The following GXYLT2 variants were observed in gnomAD, a reference collection of about 807,000 sequenced individuals.
GXYLT2 encodes glycosyltransferase 8 domain containing 4.
Under a neutral mutation model 45.8 loss-of-function variants are expected in GXYLT2, and 53 were observed. The observed-to-expected ratio is 1.16, with a 90% confidence interval of 0.93 to 1.46. The LOEUF is 1.46. Ranked by LOEUF, GXYLT2 falls within the 40% of genes most tolerant of loss-of-function variation. The pLI, the probability that GXYLT2 is intolerant of heterozygous loss-of-function variation, is 0.00. For synonymous variants in GXYLT2, 219 were observed against 214.2 expected (o/e 1.02, Z -0.19); for missense variants, 551 against 544.4 (o/e 1.01, Z -0.12).
intron 1 of GXYLT2, among the ~76,000 whole-genome samples, chr3:72,905,181 G>A (rs562149458): frequency 8.6e-5 from 13 of 151,486 alleles, no homozygotes; most frequent in South Asian, 2.1e-4. Flanking sequence ...GCAGTGGCAC[G>A]ATCTCAGCTC....
intron 1 of GXYLT2, among the ~76,000 whole-genome samples, chr3:72,902,482 C>G (rs1709426992): frequency 6.6e-6 from 1 of 152,172 alleles, no homozygotes; most frequent in Non-Finnish European, 1.5e-5. Flanking sequence ...CTGAAGGTTA[C>G]AGTGTCTTTT....
intron 3 of GXYLT2, among the ~76,000 whole-genome samples, chr3:72,949,246 T>G (rs143612778): frequency 2.0e-3 from 312 of 152,254 alleles, no homozygotes; most frequent in African/African-American, 6.5e-3. Context: ...CTGGAGCAAC[T>G]GGCAGTCCTC....
chr3:72,912,013 A>ATT (rs35108267), intron 2 of GXYLT2, among the ~76,000 whole-genome samples: 130 of 114,856 alleles, frequency 1.1e-3, no homozygotes, highest in African/African-American at 1.9e-3. Flanking sequence ...ATATATATAT[A>ATT]TTTTTTTTTT....
At chr3:72,971,583 T>A (rs563073735) in intron 6 of GXYLT2, among the ~76,000 whole-genome samples, 1 of 152,300 alleles carries the variant, frequency 6.6e-6, no homozygotes, top group South Asian at 2.1e-4. Context: ...AAACAAGTGT[T>A]ATGAAAATTC....
intron 3 of GXYLT2, among the ~76,000 whole-genome samples, chr3:72,947,484 A>C (rs910400038): frequency 5.9e-5 from 9 of 152,136 alleles, no homozygotes; most frequent in African/African-American, 2.2e-4. Flanking sequence ...TTCATAGACT[A>C]TGGTACAGGT....
In GXYLT2 at chr3:72,940,238, C is replaced by T. The variant is rs751794116; in HGVS notation, c.601-14860C>T. Among the ~76,000 whole-genome samples the T allele has an allele frequency of 1.2e-4, 19 of 152,252 alleles. No homozygotes were observed. The South Asian group carries it at 1.9e-3, about 15-fold the overall frequency. ...ACATTTACACATACAACCATTTATT[C>T]GGTAATATTTATTGAGCCTCAGTTA... On this transcript the variant is annotated intron_variant, in intron 3 of 6. Coordinates refer to ENST00000389617, the MANE Select transcript of GXYLT2 (RefSeq NM_001080393.2).
intron 2 of GXYLT2, among the ~76,000 whole-genome samples, chr3:72,917,129 CA>C (rs1285684498): frequency 6.6e-6 from 1 of 151,942 alleles, no homozygotes; most frequent in Non-Finnish European, 1.5e-5. Flanking sequence ...TTTTTTGAGA[CA>C]GGGTCTCACA....
At chr3:72,959,400 C>T (rs1255918776) in intron 5 of GXYLT2, among the ~76,000 whole-genome samples, 1 of 150,644 alleles carries the variant, frequency 6.6e-6, no homozygotes, top group Non-Finnish European at 1.5e-5. Context: ...TTACAGGCAT[C>T]AGCCACTGTA....
chr3:72,915,472 C>T (rs1360575096), intron 2 of GXYLT2, among the ~76,000 whole-genome samples: 1 of 146,384 alleles, frequency 6.8e-6, no homozygotes, highest in Non-Finnish European at 1.5e-5. Context: ...CTCTGCAGAA[C>T]AAAACGAGGG....
intron 2 of GXYLT2, among the ~76,000 whole-genome samples, chr3:72,917,475 A>G (rs1709763260): frequency 6.6e-6 from 1 of 152,160 alleles, no homozygotes; most frequent in South Asian, 2.1e-4. Context: ...CATATATCAA[A>G]TGTCAAATAC....
At chr3:72,912,146 G>A (rs1192317518) in intron 2 of GXYLT2, among the ~76,000 whole-genome samples, 3 of 151,484 alleles carry the variant, frequency 2.0e-5, no homozygotes, top group African/African-American at 7.3e-5. Context: ...AAGTAGCTGG[G>A]ACTACAAACT....
Position 72,888,153 on chromosome 3 carries a change from C to T in GXYLT2, c.-81C>T, listed in dbSNP as rs1448544899. 3.2e-6 allele frequency: 3 copies of T among 935,752 alleles called. No homozygotes were observed. The highest frequency in any genetic ancestry group is 1.8e-5 in the African/African-American group (1 of 55,570). The allele number at this position is 935,752 out of a possible 1,614,324, so 58.0% of individuals were successfully genotyped here. ...GGGCGGAGGAGGCGACCGCCGCGCG[C>T]TGCTGCACTCATCCTGCCGCCGCCG... On this transcript the variant is annotated 5_prime_UTR_variant, in exon 1 of 7. Coordinates refer to ENST00000389617, the MANE Select transcript of GXYLT2 (RefSeq NM_001080393.2).
chr3:72,896,775 G>C (rs1709299398), intron 1 of GXYLT2, among the ~76,000 whole-genome samples: 1 of 152,020 alleles, frequency 6.6e-6, no homozygotes, highest in African/African-American at 2.4e-5. Flanking sequence ...GCTTGAACCC[G>C]GGAGGCAGAG....
chr3:72,947,838 G>A (rs1248236356), intron 3 of GXYLT2, among the ~76,000 whole-genome samples: 1 of 152,094 alleles, frequency 6.6e-6, no homozygotes, highest in East Asian at 1.9e-4. Flanking sequence ...AAAGGCCTTG[G>A]AGGGGTTTGA....
chr3:72,920,930 C>A (rs143963258), intron 2 of GXYLT2, among the ~76,000 whole-genome samples: 1,562 of 151,846 alleles, frequency 0.01, 26 homozygotes, highest in African/African-American at 0.035. Flanking sequence ...AAGTGATTCT[C>A]CTGCCTCAGC....
chr3:72,892,056 G>T (rs528753852), intron 1 of GXYLT2, among the ~76,000 whole-genome samples: 6 of 152,324 alleles, frequency 3.9e-5, no homozygotes, highest in African/African-American at 1.4e-4. Context: ...ATATTGAAAA[G>T]AATTTGGCAT....
chr3:72,943,422 G>T (rs910707614), intron 3 of GXYLT2, among the ~76,000 whole-genome samples: 1 of 151,240 alleles, frequency 6.6e-6, no homozygotes, highest in Non-Finnish European at 1.5e-5. Flanking sequence ...TGTTGCCCAG[G>T]CTGGAGTGCA....
intron 4 of GXYLT2, 67 bp downstream of exon 4, chr3:72,955,416 C>G (rs1443978010): frequency 6.6e-7 from 1 of 1,525,518 alleles, no homozygotes; most frequent in Non-Finnish European, 9.0e-7. Context: ...GTGGCACTAC[C>G]AGAGTGTCAA....
chr3:72,923,844 T>G (rs60153073), intron 3 of GXYLT2, among the ~76,000 whole-genome samples: 5,023 of 152,300 alleles, frequency 0.033, 272 homozygotes, highest in African/African-American at 0.11. Flanking sequence ...TTGCTCAGGC[T>G]GATCTTGAAC....
Sources: gnomAD v4.1 joint callset for allele counts (sites outside exome capture counted in the v4.1 genomes callset) on GRCh38, gnomAD v4.1.1 for gene constraint, MANE v1.5 for transcripts, NCBI Gene and HGNC (gene_info 2026-07-23, HGNC 2026-07-21) for gene names.